Variants in ARIH2 observed in about 807,000 individuals in gnomAD.
The protein encoded by ARIH2 is ariadne RBR E3 ubiquitin protein ligase 2.
A neutral mutation model predicts 79.8 loss-of-function variants in ARIH2; 12 were observed. That is an observed-to-expected ratio of 0.15 (90% CI 0.10 to 0.24). The LOEUF (loss-of-function observed/expected upper bound fraction) is 0.24, where lower values mean the gene tolerates loss of function less well. Ranked by LOEUF, ARIH2 falls within the 10% of genes least tolerant of loss-of-function variation. ARIH2 has a pLI of 1.00. For synonymous variants in ARIH2, 224 were observed against 213.9 expected, an observed-to-expected ratio of 1.05 and a Z score of -0.41; for missense variants, 301 against 618.3, an observed-to-expected ratio of 0.49 and a Z score of 5.44.
At chr3:48,981,882 C>T (rs1476381884) in intron 14 of ARIH2, among the ~76,000 whole-genome samples, 154 bp downstream of exon 14, 1 of 152,142 alleles carries the variant, frequency 6.6e-6, no homozygotes, top group Non-Finnish European at 1.5e-5. Context: ...CTGCTCTGGG[C>T]ACCTCCAAAA....
intron 2 of ARIH2, among the ~76,000 whole-genome samples, chr3:48,923,068 G>A (rs1559700519): frequency 6.6e-6 from 1 of 151,704 alleles, no homozygotes; most frequent in African/African-American, 2.4e-5. Context: ...TTAGCCGGGC[G>A]TAGTGGCGGG....
intron 3 of ARIH2, chr3:48,945,099 T>A (rs2088929416): frequency 7.8e-7 from 1 of 1,288,900 alleles, no homozygotes; most frequent in African/African-American, 1.5e-5. Flanking sequence ...GTAAGAATTC[T>A]AAATAAAAAT....
intron 3 of ARIH2, among the ~76,000 whole-genome samples, chr3:48,933,541 CTTTT>C (rs779068845): frequency 4.0e-5 from 5 of 125,864 alleles, no homozygotes; most frequent in Non-Finnish European, 3.4e-5. Context: ...ATATTGCTCA[CTTTT>C]TTTTTTTTTT....
At chr3:48,927,438 CTT>C (rs1342528392) in intron 2 of ARIH2, 22 bp from the exon 3 acceptor site, 3 of 1,256,828 alleles carry the variant, frequency 2.4e-6, no homozygotes, top group African/African-American at 3.0e-5. Flanking sequence ...AAAAGTAACA[CTT>C]ATTTTTTTTT....
intron 3 of ARIH2, among the ~76,000 whole-genome samples, chr3:48,955,332 CTTT>C (rs79913133): frequency 7.0e-6 from 1 of 142,172 alleles, no homozygotes. Context: ...AGTCATTAGT[CTTT>C]TTTTTTTTTT....
At chr3:48,920,044 A>T (rs896244351) in intron 1 of ARIH2, among the ~76,000 whole-genome samples, 7 of 146,264 alleles carry the variant, frequency 4.8e-5, no homozygotes, top group African/African-American at 1.5e-4. Context: ...AGTGGCGGCG[A>T]TCACAGCTAA....
At position 48,926,039 on chromosome 3, in the gene ARIH2, A is replaced by G. The variant is rs545606005; in HGVS notation, c.-97-1423A>G. Among the ~76,000 whole-genome samples the G allele has an allele frequency of 2.0e-5, 3 of 151,910 alleles. No individual in the cohort carries two copies. The East Asian group carries it at 5.8e-4, about 30-fold the overall frequency. On this transcript the variant is annotated intron_variant, in intron 2 of 15. Transcript: ENST00000356401. ...GGCCTAGTTTTAGATTTAAATCGCT[A>G]GTTGATATTGTTCCTTTCAGCTCAT...
At chr3:48,973,343 C>T (rs937675013) in intron 8 of ARIH2, among the ~76,000 whole-genome samples, 3 of 151,840 alleles carry the variant, frequency 2.0e-5, no homozygotes, top group Non-Finnish European at 2.9e-5. Context: ...TTTGGGAGGC[C>T]GAGGTGGGTG....
intron 8 of ARIH2, among the ~76,000 whole-genome samples, chr3:48,973,036 C>T (rs1273429388): frequency 1.3e-5 from 2 of 152,192 alleles, no homozygotes; most frequent in South Asian, 2.1e-4. Context: ...TTTATTTGTG[C>T]GTGTTAGAGC....
intron 14 of ARIH2, 102 bp downstream of exon 14, chr3:48,981,830 A>G: frequency 1.1e-6 from 1 of 931,022 alleles, no homozygotes; most frequent in Non-Finnish European, 1.7e-6. Flanking sequence ...GGTCATTGGG[A>G]GGGCAAAGTT....
At chr3:48,960,730 C>T (rs932725095) in intron 3 of ARIH2, among the ~76,000 whole-genome samples, 18 of 150,782 alleles carry the variant, frequency 1.2e-4, no homozygotes, top group African/African-American at 3.9e-4. Context: ...TGCCACTGCA[C>T]TCCAGCCTGG....
intron 3 of ARIH2, among the ~76,000 whole-genome samples, chr3:48,959,804 G>C (rs1326375683): frequency 6.6e-6 from 1 of 152,248 alleles, no homozygotes; most frequent in African/African-American, 2.4e-5. Context: ...TACCTGGACT[G>C]TAGGACAGGA....
chr3:48,945,309 G>A (rs888798973), intron 3 of ARIH2: 5 of 750,090 alleles, frequency 6.7e-6, no homozygotes, highest in East Asian at 6.5e-5. Context: ...GCCAGCTAGA[G>A]GAGACTAAAA....
Position 48,976,154 on chromosome 3 carries a change from C to T in ARIH2, c.961+1175C>T, listed in dbSNP as rs199784102. 8.0e-4 allele frequency among the ~76,000 whole-genome samples: 121 copies of T among 150,552 alleles called. 2 individuals are homozygous for T. In the East Asian group the frequency reaches 0.02, roughly 25 times the overall value. ...GTCCAACTCTTGACCTCAGGTGATCCGCCTACCTTGGCCTCTTAAAGTGCT... is the reference window on the plus strand; with the variant it reads ...GTCCAACTCTTGACCTCAGGTGATCTGCCTACCTTGGCCTCTTAAAGTGCT... On this transcript the variant is annotated intron_variant, in intron 11 of 15. Transcript: ENST00000356401.
At chr3:48,970,443 C>T (rs952052551) in intron 7 of ARIH2, 152 bp from the exon 8 acceptor site, 12 of 585,222 alleles carry the variant, frequency 2.1e-5, no homozygotes, top group East Asian at 2.9e-5. Context: ...ATCTGGCTTA[C>T]GTTTGGTCTT....
intron 3 of ARIH2, among the ~76,000 whole-genome samples, chr3:48,929,236 C>G (rs2086049324): frequency 6.6e-6 from 1 of 152,150 alleles, no homozygotes; most frequent in Non-Finnish European, 1.5e-5. Context: ...TGTCTATACA[C>G]AAGAATTCTC....
intron 3 of ARIH2, chr3:48,945,041 C>T: frequency 9.4e-7 from 1 of 1,063,930 alleles, no homozygotes; most frequent in Non-Finnish European, 1.3e-6. Flanking sequence ...CAGGCTGAGG[C>T]ATGAAGACCC....
intron 11 of ARIH2, among the ~76,000 whole-genome samples, chr3:48,979,174 G>T (rs1400390719): frequency 1.3e-5 from 2 of 152,164 alleles, no homozygotes. Flanking sequence ...TAGTGGCATT[G>T]ACATAGCAGA....
chr3:48,958,581 G>A (rs2090877293), intron 3 of ARIH2, among the ~76,000 whole-genome samples: 2 of 152,064 alleles, frequency 1.3e-5, no homozygotes, highest in South Asian at 4.2e-4. Flanking sequence ...GTGGTGGCGG[G>A]CGCCTGTAAT....
Sources: allele counts gnomAD v4.1 joint callset (sites outside exome capture counted in the v4.1 genomes callset), GRCh38; gene constraint gnomAD v4.1.1; transcripts MANE v1.5; gene names NCBI Gene and HGNC (gene_info 2026-07-23, HGNC 2026-07-21).